The following SV2C variants were observed in gnomAD, a reference collection of about 807,000 sequenced individuals.
SV2C encodes synaptic vesicle glycoprotein 2C.
In SV2C, 49 loss-of-function variants were observed where a neutral mutation model predicts 79.7. The observed-to-expected ratio is 0.61, with a 90% CI of 0.49 to 0.78. SV2C has a LOEUF of 0.78. SV2C is among the 30% of genes least tolerant of loss of function. The pLI is 0.00. For missense variants in SV2C, 833 were observed against 912.9 expected (o/e 0.91, Z 1.13); for synonymous variants, 334 against 333.2 (o/e 1.00, Z -0.03).
chr5:75,976,597 C>T, the SV2C span, among the ~76,000 whole-genome samples: 3 of 151,768 alleles, frequency 2.0e-5, no homozygotes, highest in African/African-American at 4.8e-5. Context: ...GCAACATGAC[C>T]AATTGAAGAA....
the SV2C span, among the ~76,000 whole-genome samples, chr5:75,903,061 A>G: frequency 6.6e-6 from 1 of 152,210 alleles, no homozygotes; most frequent in African/African-American, 2.4e-5. Context: ...AGCTCAATAA[A>G]CTTACATAGT....
At chr5:75,949,212 T>A in the SV2C span, among the ~76,000 whole-genome samples, 1 of 152,034 alleles carries the variant, frequency 6.6e-6, no homozygotes, top group Admixed American at 6.6e-5. Context: ...CAGATGCCAG[T>A]GCCATGCTTC....
intron 4 of SV2C, among the ~76,000 whole-genome samples, chr5:76,234,240 T>C (rs995070891): frequency 4.6e-5 from 7 of 152,222 alleles, no homozygotes; most frequent in African/African-American, 1.4e-4. Flanking sequence ...AGCAATTTAA[T>C]ATTTTCTCTT....
chr5:76,209,451 A>G (rs559197766), intron 3 of SV2C, among the ~76,000 whole-genome samples: 30 of 152,244 alleles, frequency 2.0e-4, no homozygotes, highest in African/African-American at 5.1e-4. Flanking sequence ...TGAAAAGCCA[A>G]CGGAATCTCA....
the SV2C span, chr5:75,920,656 G>T: frequency 1.5e-6 from 1 of 650,304 alleles, no homozygotes; most frequent in South Asian, 1.8e-5. Flanking sequence ...GTGGGTGGGA[G>T]GAACTGCCCT....
At chr5:76,028,806 C>T in the SV2C span, among the ~76,000 whole-genome samples, 1 of 152,156 alleles carries the variant, frequency 6.6e-6, no homozygotes, top group Non-Finnish European at 1.5e-5. Context: ...ATGGCCTCTA[C>T]CCACTAGATG....
the SV2C span, among the ~76,000 whole-genome samples, chr5:75,880,169 G>GA: frequency 3.3e-5 from 5 of 151,360 alleles, no homozygotes; most frequent in African/African-American, 7.3e-5. Context: ...AGAGATATCT[G>GA]AAAAAATGCC....
At chr5:75,915,894 G>C in the SV2C span, among the ~76,000 whole-genome samples, 1 of 152,152 alleles carries the variant, frequency 6.6e-6, no homozygotes, top group African/African-American at 2.4e-5. Flanking sequence ...AGGAGAAAGA[G>C]AATGAATATA....
rs564821180 is a variant in SV2C, at chr5:76,150,345, T to A, written c.580+18015T>A. 2.0e-5 allele frequency among the ~76,000 whole-genome samples: 3 copies of A among 152,114 alleles called. No homozygotes were observed. In the South Asian group the frequency reaches 6.2e-4, roughly 32 times the overall value. On this transcript the variant is annotated intron_variant, in intron 2 of 12. Coordinates refer to ENST00000502798, the MANE Select transcript of SV2C (RefSeq NM_014979.4). The stretch of plus-strand genomic sequence containing the variant: ...GGTGTGTGCCACCACGCCCAGCTAA[T>A]TTTTGTATTTTTAGTAGAGATGGGG...
chr5:76,049,007 G>GAAAGAAAGAAAGA, the SV2C span, among the ~76,000 whole-genome samples: 1 of 88,838 alleles, frequency 1.1e-5, no homozygotes, highest in Non-Finnish European at 2.2e-5. Flanking sequence ...AAGAAAGAAA[G>GAAAGAAAGAAAGA]AAAGAAAGAA....
At chr5:75,899,094 T>C in the SV2C span, among the ~76,000 whole-genome samples, 2 of 152,220 alleles carry the variant, frequency 1.3e-5, no homozygotes, top group Admixed American at 6.5e-5. Context: ...TTTTAGTTAT[T>C]TCTTGCCTTC....
At chr5:75,871,816 A>G in the SV2C span, among the ~76,000 whole-genome samples, 1 of 116,888 alleles carries the variant, frequency 8.6e-6, no homozygotes. Context: ...CAAATATATA[A>G]ATATATATAT....
At chr5:76,345,132 T>C (rs897229389) in intron 12 of SV2C, among the ~76,000 whole-genome samples, 1 of 152,152 alleles carries the variant, frequency 6.6e-6, no homozygotes, top group Non-Finnish European at 1.5e-5. Context: ...GTGTCAGCAT[T>C]CTGGTATTTA....
At chr5:76,208,265 A>G (rs1306567110) in intron 3 of SV2C, among the ~76,000 whole-genome samples, 1 of 152,222 alleles carries the variant, frequency 6.6e-6, no homozygotes, top group African/African-American at 2.4e-5. Context: ...AATGATACTT[A>G]TGCTTATCCT....
chr5:76,277,178 C>T (rs1747047972), intron 4 of SV2C, among the ~76,000 whole-genome samples: 1 of 152,310 alleles, frequency 6.6e-6, no homozygotes, highest in African/African-American at 2.4e-5. Context: ...AACCAGTGTG[C>T]AAAATGGTTT....
chr5:75,981,032 A>G, the SV2C span, among the ~76,000 whole-genome samples: 2 of 152,232 alleles, frequency 1.3e-5, no homozygotes, highest in Non-Finnish European at 2.9e-5. Context: ...ATACAGAATC[A>G]ATGTGCAAAA....
intron 12 of SV2C, among the ~76,000 whole-genome samples, chr5:76,345,031 A>T (rs1044193007): frequency 6.6e-6 from 1 of 152,234 alleles, no homozygotes; most frequent in Admixed American, 6.5e-5. Context: ...CATATTCAGG[A>T]CTAACCCAGC....
chr5:76,229,898 C>T (rs2112396036), intron 4 of SV2C, among the ~76,000 whole-genome samples: 1 of 152,308 alleles, frequency 6.6e-6, no homozygotes, highest in Non-Finnish European at 1.5e-5. Flanking sequence ...ATCAATGATG[C>T]TTGTCAAAAT....
rs1644533142 is a variant in SV2C, at chr5:76,291,802, C to T, written c.1283C>T (p.Pro428Leu). Residue 428 changes from proline to leucine, a missense_variant, in exon 8 of 13, where the codon CCA (proline) becomes CTA (leucine). Transcript: ENST00000502798. ...ACTTTTATGAGATGTTTCAACTACC[C>T]AGTCAGGGATAATACAATAAAGCTT... ...WLTFMRCFNY[P>L]VRDNTIKLTI... The T allele has an allele frequency of 6.2e-7, 1 of 1,610,674 alleles. No individual in the cohort carries two copies. The highest frequency in any genetic ancestry group is 1.1e-5 in the South Asian group (1 of 90,502).
Sources: allele counts gnomAD v4.1 joint callset (sites outside exome capture counted in the v4.1 genomes callset), GRCh38; gene constraint gnomAD v4.1.1; transcripts MANE v1.5; gene names NCBI Gene and HGNC (gene_info 2026-07-23, HGNC 2026-07-21).